The following STK38L variants were observed in gnomAD, a reference collection of about 807,000 sequenced individuals.
STK38L encodes serine/threonine kinase 38 like.
A neutral mutation model predicts 59.7 loss-of-function variants in STK38L; 28 were observed. That is an observed-to-expected ratio of 0.47 (90% CI 0.35 to 0.64). The LOEUF is 0.64. Ranked by LOEUF, STK38L falls within the 30% of genes least tolerant of loss-of-function variation. The probability of loss-of-function intolerance (pLI) is 0.01; values close to 1 mark genes in which losing one functional copy is unlikely to be tolerated. For synonymous variants in STK38L, 162 were observed against 176.8 expected, an observed-to-expected ratio of 0.92 and a Z score of 0.66; for missense variants, 314 against 555.8, an observed-to-expected ratio of 0.56 and a Z score of 4.37.
At chr12:27,265,302 T>C (rs562502901) in intron 1 of STK38L, among the ~76,000 whole-genome samples, 6 of 152,206 alleles carry the variant, frequency 3.9e-5, no homozygotes, top group Non-Finnish European at 8.8e-5. Context: ...TCGTGCACTA[T>C]ATATAGCTTG....
At chr12:27,286,813 C>G (rs536803789) in intron 1 of STK38L, among the ~76,000 whole-genome samples, 1 of 152,298 alleles carries the variant, frequency 6.6e-6, no homozygotes, top group African/African-American at 2.4e-5. Flanking sequence ...GACAGAAAGG[C>G]ACCTCATAAC....
intron 3 of STK38L, among the ~76,000 whole-genome samples, chr12:27,306,714 AACACACACAC>A (rs10553623): frequency 2.4e-4 from 34 of 139,184 alleles, no homozygotes; most frequent in African/African-American, 6.2e-4. Flanking sequence ...GAATTTTATA[AACACACACAC>A]ACACACACAC....
Position 27,322,299 on chromosome 12 carries a change from T to C in STK38L, c.1268-29T>C, listed in dbSNP as rs1944749194. 9.3e-6 allele frequency: 15 copies of C among 1,613,096 alleles called. No homozygotes were observed. In the East Asian group the frequency reaches 2.0e-4, roughly 22 times the overall value. ...TTTGAAGATGATGGCATTTCACTAA[T>C]GAAATTCCTTTATTTTTTCTCTTTC... On this transcript the variant is annotated intron_variant, in intron 13 of 13. Transcript: ENST00000389032.
chr12:27,301,096 T>C (rs986440926), intron 2 of STK38L, among the ~76,000 whole-genome samples: 2 of 152,188 alleles, frequency 1.3e-5, no homozygotes, highest in Non-Finnish European at 2.9e-5. Context: ...AGTTGCAAAA[T>C]GTGTTCCACA....
At chr12:27,250,111 TTCTG>T (rs1942940383) in intron 1 of STK38L, among the ~76,000 whole-genome samples, 2 of 152,366 alleles carry the variant, frequency 1.3e-5, no homozygotes, top group Admixed American at 1.3e-4. Flanking sequence ...CTAGCTTTCA[TTCTG>T]TCTGTGAAAG....
Position 27,308,564 on chromosome 12 carries a change from C to T in STK38L, c.309+103C>T. On this transcript the variant is annotated intron_variant, in intron 4 of 13. Coordinates refer to ENST00000389032, the MANE Select transcript of STK38L (RefSeq NM_015000.4). This position sits in a 1 kb window ranked among gnomAD's most constrained non-coding sequence, Gnocchi z 4.5. ...TCCTGGCTGGGTGCGGTGGCTCACGCCTGTAATCCCAATACTTTGGGAGGC... is the reference window on the plus strand; with the variant it reads ...TCCTGGCTGGGTGCGGTGGCTCACGTCTGTAATCCCAATACTTTGGGAGGC... 1 of 1,210,216 alleles carries T rather than the reference C, an allele frequency of 8.3e-7. No homozygotes were observed. Among genetic ancestry groups the T allele is most frequent in the Non-Finnish European group, 1.1e-6 (1 of 943,864 alleles). 75.0% of individuals were successfully genotyped at this position (1,210,216 alleles called of 1,614,324 possible).
chr12:27,262,171 G>C (rs1943215253), intron 1 of STK38L, among the ~76,000 whole-genome samples: 1 of 139,364 alleles, frequency 7.2e-6, no homozygotes, highest in African/African-American at 2.6e-5. Context: ...AGAAACCACA[G>C]AAATCTCACA....
intron 1 of STK38L, among the ~76,000 whole-genome samples, chr12:27,284,108 C>T (rs1436758942): frequency 2.0e-5 from 3 of 152,168 alleles, no homozygotes; most frequent in Admixed American, 1.3e-4. Flanking sequence ...ATCCACAGAT[C>T]GGTAATTGTG....
At chr12:27,247,814 A>ATTT (rs11448972) in intron 1 of STK38L, among the ~76,000 whole-genome samples, 2,700 of 126,518 alleles carry the variant, frequency 0.021, 96 homozygotes, top group African/African-American at 0.075. Flanking sequence ...TTGTTCTGTA[A>ATTT]TTTTTTTTTT....
rs1419014782 is a variant in STK38L at position 27,325,018 on chromosome 12, G to A, written c.*2563G>A. 1 of 152,026 alleles carries A rather than the reference G, an allele frequency of 6.6e-6. No individual in the cohort carries two copies. The allele number at this position is 152,026 out of a possible 1,614,324, so 9.4% of individuals were successfully genotyped here. A position where few individuals can be genotyped will look rare whatever the true frequency, so the allele number is the denominator to read the frequency against. ...GTTTTTCTAAGTATATAGAAAGCTT[G>A]TATAATTCAGATTTATCAATTTCCT... On this transcript the variant is annotated 3_prime_UTR_variant, in exon 14 of 14. Transcript: ENST00000389032.
At position 27,324,782 on chromosome 12, in the gene STK38L, C is replaced by T. The variant is rs934257981; in HGVS notation, c.*2327C>T. 4 of 152,032 alleles carry T rather than the reference C, an allele frequency of 2.6e-5. No homozygotes were observed. The highest frequency in any genetic ancestry group is 4.1e-4 in the South Asian group (2 of 4,822). 9.4% of individuals were successfully genotyped at this position (152,032 alleles called of 1,614,324 possible). ...AAAGACTGTGTCTGCCCTTTAGAAGCTAAGAATTTGATTCATGATGCAAAT... is the reference window on the plus strand; with the variant it reads ...AAAGACTGTGTCTGCCCTTTAGAAGTTAAGAATTTGATTCATGATGCAAAT... On this transcript the variant is annotated 3_prime_UTR_variant, in exon 14 of 14. Transcript: ENST00000389032.
chr12:27,313,125 G>A (rs966189451), intron 6 of STK38L, among the ~76,000 whole-genome samples: 3 of 151,960 alleles, frequency 2.0e-5, no homozygotes, highest in African/African-American at 4.8e-5. Flanking sequence ...GCGGGCGCCT[G>A]TAGTCCCAGC....
At chr12:27,247,818 T>C in intron 1 of STK38L, among the ~76,000 whole-genome samples, 1 of 150,346 alleles carries the variant, frequency 6.7e-6, no homozygotes, top group African/African-American at 2.4e-5. Flanking sequence ...TCTGTAATTT[T>C]TTTTTTTTTT....
At chr12:27,289,900 A>G (rs908120982) in intron 1 of STK38L, among the ~76,000 whole-genome samples, 1 of 152,192 alleles carries the variant, frequency 6.6e-6, no homozygotes, top group African/African-American at 2.4e-5. Context: ...TCCCCTCTCC[A>G]TTAGAAGTAA....
intron 5 of STK38L, among the ~76,000 whole-genome samples, chr12:27,311,948 C>T (rs1295335677): frequency 6.6e-6 from 1 of 151,916 alleles, no homozygotes; most frequent in Admixed American, 6.5e-5. Flanking sequence ...GACGCAATCT[C>T]GGCTCACTGC....
At chr12:27,263,482 G>A (rs10506017) in intron 1 of STK38L, among the ~76,000 whole-genome samples, 1 of 152,194 alleles carries the variant, frequency 6.6e-6, no homozygotes, top group South Asian at 2.1e-4. Context: ...AAGATGCTTT[G>A]AGGACCCCAG....
chr12:27,320,845 G>C (rs1944711996), intron 12 of STK38L, among the ~76,000 whole-genome samples: 1 of 148,922 alleles, frequency 6.7e-6, no homozygotes, highest in Admixed American at 6.7e-5. Flanking sequence ...GCAGTGGCGT[G>C]ATCTCGGCTC....
chr12:27,267,413 T>A (rs1435056774), intron 1 of STK38L, among the ~76,000 whole-genome samples: 1 of 152,172 alleles, frequency 6.6e-6, no homozygotes, highest in Non-Finnish European at 1.5e-5. Flanking sequence ...AGACCTCATC[T>A]CTAACAACAA....
At position 27,314,894 on chromosome 12, in the gene STK38L, T is replaced by G. The variant is rs1406497899; in HGVS notation, c.673-121T>G. On this transcript the variant is annotated intron_variant, in intron 7 of 13. Transcript: ENST00000389032. The stretch of plus-strand genomic sequence containing the variant: ...CATCAGATACTTAAAATTTTACATT[T>G]TACGTGTATAAATCCCAAGCTAAGA... 3 of 900,312 alleles carry G rather than the reference T, an allele frequency of 3.3e-6. No homozygotes were observed. The African/African-American group carries it at 5.1e-5, about 15-fold the overall frequency. The allele number at this position is 900,312 out of a possible 1,614,324, so 55.8% of individuals were successfully genotyped here. A position where few individuals can be genotyped will look rare whatever the true frequency, so the allele number is the denominator to read the frequency against.
Sources: gnomAD v4.1 joint callset for allele counts (sites outside exome capture counted in the v4.1 genomes callset) on GRCh38, gnomAD v4.1.1 for gene constraint, Gnocchi (gnomAD v3.1) non-coding constraint, MANE v1.5 for transcripts, NCBI Gene and HGNC (gene_info 2026-07-23, HGNC 2026-07-21) for gene names.